Variants in SGCZ observed in about 807,000 individuals in gnomAD.
SGCZ encodes sarcoglycan zeta, also known as zeta-sarcoglycan.
In SGCZ, 40 loss-of-function variants were observed where a neutral mutation model predicts 41.3. The observed-to-expected ratio is 0.97, with a 90% CI of 0.75 to 1.26. SGCZ has a LOEUF of 1.26. Among genes scored for constraint, SGCZ ranks in the 50% most tolerant of loss-of-function variants. The pLI is 0.00. For synonymous variants in SGCZ, 206 were observed against 137.5 expected, an observed-to-expected ratio of 1.50 and a Z score of -3.49; for missense variants, 552 against 369.8, an observed-to-expected ratio of 1.49 and a Z score of -4.04.
intron 1 of SGCZ, among the ~76,000 whole-genome samples, chr8:14,983,757 A>C (rs966186504): frequency 6.6e-6 from 1 of 152,176 alleles, no homozygotes; most frequent in African/African-American, 2.4e-5. Context: ...CTAAAACTAG[A>C]CAAGTAGCAA....
chr8:15,065,443 A>ATTG (rs1554549715), intron 1 of SGCZ, among the ~76,000 whole-genome samples: 2 of 147,300 alleles, frequency 1.4e-5, no homozygotes, highest in African/African-American at 5.0e-5. Flanking sequence ...TATTATTATT[A>ATTG]TTATTATTAT....
At chr8:14,560,542 G>A (rs1190833358) in intron 1 of SGCZ, among the ~76,000 whole-genome samples, 1 of 151,988 alleles carries the variant, frequency 6.6e-6, no homozygotes, top group Admixed American at 6.6e-5. Flanking sequence ...GTTGGTCTCT[G>A]AAAATTCCAA....
intron 1 of SGCZ, among the ~76,000 whole-genome samples, chr8:14,619,923 G>A (rs1211554193): frequency 6.6e-6 from 1 of 152,110 alleles, no homozygotes; most frequent in Non-Finnish European, 1.5e-5. Flanking sequence ...TTTCTTCACA[G>A]AATTGGAAAA....
At chr8:14,969,173 G>C (rs1036834990) in intron 1 of SGCZ, among the ~76,000 whole-genome samples, 46 of 151,820 alleles carry the variant, frequency 3.0e-4, no homozygotes, top group African/African-American at 1.1e-3. Flanking sequence ...GTTAAATTTT[G>C]GGCTTAAAAT....
chr8:14,728,682 C>G (rs1810138091), intron 1 of SGCZ, among the ~76,000 whole-genome samples: 1 of 152,082 alleles, frequency 6.6e-6, no homozygotes, highest in Non-Finnish European at 1.5e-5. Flanking sequence ...ATGTCTCAAT[C>G]AGTATAGAAA....
rs555288419 is a variant in SGCZ, at chr8:14,629,932, C to T, written c.40-75006G>A. Among the ~76,000 whole-genome samples, 14 of 152,132 alleles carry T rather than the reference C, an allele frequency of 9.2e-5. No homozygotes were observed. In the South Asian group the frequency reaches 2.9e-3, roughly 32 times the overall value. ...GCCTAAAGAGTGGTGTTTGCAGTTA[C>T]TTGTGATGACTTGCATTTTGAAACT... On this transcript the variant is annotated intron_variant, in intron 1 of 7. Coordinates refer to ENST00000382080, the MANE Select transcript of SGCZ (RefSeq NM_139167.4).
At chr8:14,536,438 G>A (rs1430575186) in intron 2 of SGCZ, among the ~76,000 whole-genome samples, 3 of 151,570 alleles carry the variant, frequency 2.0e-5, no homozygotes, top group African/African-American at 4.8e-5. Flanking sequence ...TAAAATTAAA[G>A]TTATTTGAAC....
intron 1 of SGCZ, among the ~76,000 whole-genome samples, chr8:15,159,110 C>A (rs2117036127): frequency 6.6e-6 from 1 of 152,180 alleles, no homozygotes; most frequent in South Asian, 2.1e-4. Context: ...GGCCTAAGGT[C>A]AAGTTGATTA....
Position 14,108,222 on chromosome 8 carries a change from G to T in SGCZ, c.561C>A (p.Ala187=), listed in dbSNP as rs755167299. The part of the protein sequence containing the change: ...EKLKVTGTEG[A]VFGHSVETPH... ...GCGTCTCCACAGAGTGCCCAAATAC[G>T]GCTCCTTCAGTGCCTGGGGGTAGCA... is the stretch of plus-strand genomic sequence containing the variant. The change falls in exon 6 of 8, where the codon GCC becomes GCA. Residue 187 remains alanine (A), a synonymous_variant. Transcript: ENST00000382080. 1 of 1,614,006 alleles carries T rather than the reference G, an allele frequency of 6.2e-7. No individual in the cohort carries two copies.
chr8:14,929,748 G>C (rs1474263202), intron 1 of SGCZ, among the ~76,000 whole-genome samples: 2 of 151,918 alleles, frequency 1.3e-5, no homozygotes, highest in East Asian at 3.9e-4. Flanking sequence ...GTTTTCATGG[G>C]TAATTAATGT....
At chr8:14,913,638 T>C (rs1799341727) in intron 1 of SGCZ, among the ~76,000 whole-genome samples, 1 of 152,082 alleles carries the variant, frequency 6.6e-6, no homozygotes, top group South Asian at 2.1e-4. Context: ...TAATTTAATT[T>C]TCATGATCCT....
chr8:14,152,554 G>C (rs931311105), intron 5 of SGCZ, among the ~76,000 whole-genome samples: 1 of 152,160 alleles, frequency 6.6e-6, no homozygotes, highest in Non-Finnish European at 1.5e-5. Context: ...CACCAGACTG[G>C]AGAGGATGTG....
intron 1 of SGCZ, among the ~76,000 whole-genome samples, chr8:14,595,330 C>G (rs989219109): frequency 5.3e-5 from 8 of 150,694 alleles, no homozygotes; most frequent in African/African-American, 2.0e-4. Flanking sequence ...GGTAAGTTAC[C>G]AAAACAAGTG....
At chr8:15,155,987 G>A (rs1188683677) in intron 1 of SGCZ, among the ~76,000 whole-genome samples, 1 of 149,222 alleles carries the variant, frequency 6.7e-6, no homozygotes, top group Non-Finnish European at 1.5e-5. Flanking sequence ...GAACTTGGGA[G>A]GCAGAGGTTG....
intron 1 of SGCZ, among the ~76,000 whole-genome samples, chr8:14,715,864 G>C (rs1323509038): frequency 6.6e-6 from 1 of 151,944 alleles, no homozygotes; most frequent in Non-Finnish European, 1.5e-5. Context: ...AAACACATCA[G>C]GAAACAAGTT....
chr8:15,042,462 A>G (rs747563831), intron 1 of SGCZ, among the ~76,000 whole-genome samples: 1 of 152,234 alleles, frequency 6.6e-6, no homozygotes, highest in Non-Finnish European at 1.5e-5. Flanking sequence ...ACTGTGCCAC[A>G]AAGTAATTCA....
chr8:15,022,958 G>A (rs1349454038), intron 1 of SGCZ, among the ~76,000 whole-genome samples: 2 of 152,138 alleles, frequency 1.3e-5, no homozygotes, highest in Non-Finnish European at 2.9e-5. Flanking sequence ...CCTTGGACCC[G>A]ACAGGTGGAT....
intron 1 of SGCZ, among the ~76,000 whole-genome samples, chr8:15,037,353 T>G (rs547686813): frequency 1.2e-4 from 19 of 152,314 alleles, no homozygotes; most frequent in South Asian, 1.0e-3. Flanking sequence ...AGGATACATT[T>G]GCTTCCCCTT....
At chr8:14,918,691 A>T (rs1432079937) in intron 1 of SGCZ, among the ~76,000 whole-genome samples, 3 of 152,196 alleles carry the variant, frequency 2.0e-5, no homozygotes, top group Admixed American at 2.0e-4. Context: ...ATAATTTTGT[A>T]TCTTACTATG....
Sources: gnomAD v4.1 joint callset for allele counts (sites outside exome capture counted in the v4.1 genomes callset) on GRCh38, gnomAD v4.1.1 for gene constraint, MANE v1.5 for transcripts, NCBI Gene and HGNC (gene_info 2026-07-23, HGNC 2026-07-21) for gene names.